PSKH2: variants seen among roughly 807,000 people sequenced by gnomAD.
The protein encoded by PSKH2 is serine/threonine-protein kinase H2.
PSKH2 carries 16 observed loss-of-function variants against 22.5 expected under a neutral mutation model. The ratio of observed to expected loss-of-function variants is 0.71; its 90% confidence interval spans 0.48 to 1.08. The LOEUF is 1.08. Among genes scored for constraint, PSKH2 ranks in the 50% least tolerant of loss-of-function variants. The probability of loss-of-function intolerance (pLI) is 0.00; values close to 1 mark genes in which losing one functional copy is unlikely to be tolerated. For missense variants in PSKH2, 516 were observed against 492.8 expected (o/e 1.05, Z -0.44); for synonymous variants, 188 against 184.8 (o/e 1.02, Z -0.14).
Position 86,064,274 on chromosome 8 carries a change from A to G in PSKH2, c.543T>C (p.His181=). Residue 181 remains histidine (H), a synonymous_variant, in exon 2 of 3, where the codon CAT becomes CAC. Coordinates refer to ENST00000276616, the MANE Select transcript of PSKH2 (RefSeq NM_033126.3). ...IRYLHALQIT[H]RNLKPENLLY... Reference sequence around the variant, plus strand: ...AGAGGTTTTCAGGCTTTAGATTCCTATGAGTTATCTGCAGCGCATGCAAAT... The same window carrying G: ...AGAGGTTTTCAGGCTTTAGATTCCTGTGAGTTATCTGCAGCGCATGCAAAT... The G allele has an allele frequency of 6.2e-7, 1 of 1,614,158 alleles. No homozygotes were observed. The highest frequency in any genetic ancestry group is 1.1e-5 in the South Asian group (1 of 91,080).
rs773635388 is a variant in PSKH2, at chr8:86,064,441, T to A, written c.376A>T (p.Ile126Phe). 1.2e-6 allele frequency: 2 copies of A among 1,614,080 alleles called. No homozygotes were observed. Among genetic ancestry groups the A allele is most frequent in the Admixed American group, 3.3e-5 (2 of 60,006 alleles). The change falls in exon 2 of 3, where the codon ATC becomes TTC. Residue 126 changes from isoleucine (I) to phenylalanine (F), a missense_variant. Physicochemically the swap from Ile to Phe is conservative, Grantham distance 21. Coordinates refer to ENST00000276616, the MANE Select transcript of PSKH2 (RefSeq NM_033126.3). Reference sequence around the variant, plus strand: ...TAAACTTGATCCTCAGTCTCAAAGATCTCCATGAGCTGGACAATGTAACGA... The same window carrying A: ...TAAACTTGATCCTCAGTCTCAAAGAACTCCATGAGCTGGACAATGTAACGA... Reference protein sequence around the residue: ...SHRYIVQLMEIFETEDQVYMV... With the variant: ...SHRYIVQLMEFFETEDQVYMV...
At chr8:86,058,179 T>C (rs1177046562) in intron 2 of PSKH2, among the ~76,000 whole-genome samples, 3 of 152,210 alleles carry the variant, frequency 2.0e-5, no homozygotes, top group African/African-American at 7.2e-5. Context: ...CCTTGCACAC[T>C]GGGGAGGAAA....
chr8:86,063,998 C>T lies in PSKH2; in HGVS notation c.819G>A (p.Lys273=), dbSNP rs755091307. The T allele has an allele frequency of 2.5e-6, 4 of 1,613,516 alleles. No individual in the cohort carries two copies. The South Asian group carries it at 4.4e-5, about 18-fold the overall frequency. Residue 273 remains lysine (K), a synonymous_variant, in exon 2 of 3, where the codon AAG becomes AAA. Coordinates refer to ENST00000276616, the MANE Select transcript of PSKH2 (RefSeq NM_033126.3). ...TATAATTATATTTGCCTTTCAGAATCTTCCTGTAAAGCCTTGTCTGGCTTT... is the reference window on the plus strand; with the variant it reads ...TATAATTATATTTGCCTTTCAGAATTTTCCTGTAAAGCCTTGTCTGGCTTT... ...DDESQTRLYR[K]ILKGKYNYTG...
chr8:86,057,803 C>T (rs1817723245), intron 2 of PSKH2, among the ~76,000 whole-genome samples: 1 of 152,194 alleles, frequency 6.6e-6, no homozygotes, highest in East Asian at 1.9e-4. Context: ...CAAGATAGCA[C>T]AAATGTGGCC....
intron 2 of PSKH2, among the ~76,000 whole-genome samples, chr8:86,049,015 T>C (rs942843961): frequency 6.6e-6 from 1 of 152,196 alleles, no homozygotes; most frequent in Non-Finnish European, 1.5e-5. Context: ...CCAAACTCTT[T>C]GTCCAATGAG....
chr8:86,062,398 A>G (rs1324492399), intron 2 of PSKH2, among the ~76,000 whole-genome samples: 3 of 152,204 alleles, frequency 2.0e-5, no homozygotes, highest in Non-Finnish European at 4.4e-5. Context: ...ATCAAAATAC[A>G]TAAATTTTTT....
At position 86,064,632 on chromosome 8, in the gene PSKH2, C is replaced by A. The variant is rs1290675665; in HGVS notation, c.186-1G>T. ...CCCAATAAGAGCTTTGATGTCATAT[C>A]TGTTGGGAAGAAAAACCAAACATGT... On this transcript the variant is annotated splice_acceptor_variant, in intron 1 of 2. Coordinates refer to ENST00000276616, the MANE Select transcript of PSKH2 (RefSeq NM_033126.3). LOFTEE classifies it high-confidence loss of function. 1 of 1,604,574 alleles carries A rather than the reference C, an allele frequency of 6.2e-7. No individual in the cohort carries two copies. Among genetic ancestry groups the A allele is most frequent in the Non-Finnish European group, 8.5e-7 (1 of 1,176,484 alleles).
In PSKH2 at chr8:86,064,161, A is replaced by G. The variant is rs1487310902; in HGVS notation, c.656T>C (p.Met219Thr). ...CTCTGGGGTCCCACAGAGTGTCTTC[A>G]TTGTCCAGTCACCACTTTTTTTCCC... is the stretch of plus-strand genomic sequence containing the variant. ...YSGKKSGDWT[M>T]KTLCGTPEYI... Residue 219 changes from methionine to threonine, a missense_variant, in exon 2 of 3, where the codon ATG becomes ACG. By Grantham distance (81) the Met-to-Thr change is moderately conservative. Transcript: ENST00000276616. The G allele has an allele frequency of 6.2e-7, 1 of 1,614,146 alleles. No individual in the cohort carries two copies. Among genetic ancestry groups the G allele is most frequent in the South Asian group, 1.1e-5 (1 of 91,082 alleles).
At chr8:86,063,122 C>T (rs1056731729) in intron 2 of PSKH2, among the ~76,000 whole-genome samples, 1 of 152,110 alleles carries the variant, frequency 6.6e-6, no homozygotes, top group Non-Finnish European at 1.5e-5. Flanking sequence ...AAAACATATA[C>T]ATGTACCATA....
intron 2 of PSKH2, among the ~76,000 whole-genome samples, chr8:86,063,258 A>C (rs996596929): frequency 5.9e-5 from 9 of 152,206 alleles, no homozygotes; most frequent in African/African-American, 2.2e-4. Context: ...AGCAAATATC[A>C]ATGTTTTTCT....
At chr8:86,064,679 T>G in intron 1 of PSKH2, 48 bp from the exon 2 acceptor site, 1 of 1,431,278 alleles carries the variant, frequency 7.0e-7, no homozygotes, top group Non-Finnish European at 9.6e-7. Context: ...GTGATGATTC[T>G]CAAAATTATT....
chr8:86,052,356 C>T (rs907213259), intron 2 of PSKH2, among the ~76,000 whole-genome samples: 1 of 152,156 alleles, frequency 6.6e-6, no homozygotes, highest in African/African-American at 2.4e-5. Context: ...GACCCCGAGT[C>T]CCACTGCTAA....
intron 2 of PSKH2, among the ~76,000 whole-genome samples, chr8:86,051,276 C>T (rs1047356716): frequency 3.9e-5 from 6 of 151,944 alleles, no homozygotes; most frequent in Non-Finnish European, 7.4e-5. Flanking sequence ...TTTGTAGAAA[C>T]CGGGTTTCGC....
At chr8:86,059,257 T>C (rs1817745644) in intron 2 of PSKH2, among the ~76,000 whole-genome samples, 1 of 152,224 alleles carries the variant, frequency 6.6e-6, no homozygotes, top group Non-Finnish European at 1.5e-5. Flanking sequence ...ATTTGATGTT[T>C]ATACCTGAAT....
chr8:86,055,043 C>T (rs1245761740), intron 2 of PSKH2, among the ~76,000 whole-genome samples: 2 of 152,080 alleles, frequency 1.3e-5, no homozygotes, highest in Admixed American at 6.5e-5. Flanking sequence ...GCATAATATA[C>T]ATTTATTATT....
In PSKH2 at chr8:86,049,735, A is replaced by G. The variant is rs376108463; in HGVS notation, c.853-968T>C. ...GAAAGAAAGAAAGAAAGAAAGAAAG[A>G]AAGAAAGAAAGAAACGAAAGAAAGA... On this transcript the variant is annotated intron_variant, in intron 2 of 2. Coordinates refer to ENST00000276616, the MANE Select transcript of PSKH2 (RefSeq NM_033126.3). Among the ~76,000 whole-genome samples, 44 of 36,022 alleles carry G rather than the reference A, an allele frequency of 1.2e-3. 3 individuals are homozygous for G. The highest frequency in any genetic ancestry group is 4.3e-3 in the African/African-American group (42 of 9,816). The allele number at this position is 36,022 out of a possible 152,430, so 23.6% of individuals were successfully genotyped here.
intron 2 of PSKH2, among the ~76,000 whole-genome samples, chr8:86,063,169 T>C (rs571639940): frequency 1.3e-5 from 2 of 152,348 alleles, no homozygotes; most frequent in African/African-American, 4.8e-5. Context: ...GAAAACATTA[T>C]ATTTAAATTT....
At chr8:86,059,628 G>A (rs1004232267) in intron 2 of PSKH2, among the ~76,000 whole-genome samples, 21 of 152,056 alleles carry the variant, frequency 1.4e-4, no homozygotes, top group African/African-American at 4.3e-4. Context: ...GATCGTATTG[G>A]GCCTCCAAGA....
In PSKH2 at chr8:86,064,136, C is replaced by T. The variant is rs773382407; in HGVS notation, c.681G>A (p.Glu227=). Residue 227 remains glutamate, a synonymous_variant, in exon 2 of 3, where the codon GAG becomes GAA. Transcript: ENST00000276616. ...WTMKTLCGTP[E]YIAPEVLLRK... is the part of the protein sequence containing the mutation. Reference sequence around the variant, plus strand: ...TTAGCAAAACCTCAGGAGCTATGTACTCTGGGGTCCCACAGAGTGTCTTCA... The same window carrying T: ...TTAGCAAAACCTCAGGAGCTATGTATTCTGGGGTCCCACAGAGTGTCTTCA... 2 of 1,614,174 alleles carry T rather than the reference C, an allele frequency of 1.2e-6. No homozygotes were observed. The highest frequency in any genetic ancestry group is 1.3e-5 in the African/African-American group (1 of 75,050).
Sources: gnomAD v4.1 joint callset for allele counts (sites outside exome capture counted in the v4.1 genomes callset) on GRCh38, gnomAD v4.1.1 for gene constraint, MANE v1.5 for transcripts, NCBI Gene and HGNC (gene_info 2026-07-23, HGNC 2026-07-21) for gene names.